The following MDGA2 variants were observed in gnomAD, a reference collection of about 807,000 sequenced individuals.
MDGA2 encodes MAM domain-containing glycosylphosphatidylinositol anchor protein 2.
Under a neutral mutation model 117.8 loss-of-function variants are expected in MDGA2, and 40 were observed. The observed-to-expected ratio is 0.34, with a 90% CI of 0.26 to 0.44. MDGA2 has a LOEUF of 0.44. Ranked by LOEUF, MDGA2 falls within the 20% of genes least tolerant of loss-of-function variation. MDGA2 has a pLI of 1.00. For synonymous variants in MDGA2, 452 were observed against 439.0 expected (o/e 1.03, Z -0.37); for missense variants, 1,123 against 1,250.6 (o/e 0.90, Z 1.54).
intron 3 of MDGA2, among the ~76,000 whole-genome samples, chr14:47,195,099 G>T (rs1406074802): frequency 1.3e-5 from 2 of 151,902 alleles, no homozygotes; most frequent in Non-Finnish European, 2.9e-5. Flanking sequence ...GTTAAATAAT[G>T]ATAGTACATA....
chr14:47,346,912 G>T (rs913304355), intron 1 of MDGA2, among the ~76,000 whole-genome samples: 3 of 152,154 alleles, frequency 2.0e-5, no homozygotes, highest in African/African-American at 7.2e-5. Context: ...TACAGAGTGG[G>T]AACGGTTCAG....
chr14:47,080,545 CTCTTA>C (rs1481492606), intron 6 of MDGA2, among the ~76,000 whole-genome samples: 2 of 152,150 alleles, frequency 1.3e-5, no homozygotes, highest in Non-Finnish European at 1.5e-5. Context: ...CCCTCACATT[CTCTTA>C]TCTTTTCTTC....
chr14:46,912,363 T>C (rs1325946089), intron 10 of MDGA2, among the ~76,000 whole-genome samples: 1 of 152,140 alleles, frequency 6.6e-6, no homozygotes, highest in Non-Finnish European at 1.5e-5. Context: ...ACTACTGTCT[T>C]CAGATGAAAA....
intron 2 of MDGA2, among the ~76,000 whole-genome samples, chr14:47,247,531 G>A (rs1887285336): frequency 6.6e-6 from 1 of 151,436 alleles, no homozygotes; most frequent in African/African-American, 2.4e-5. Flanking sequence ...TCGAACTCCT[G>A]ACCTCAAATG....
At chr14:47,265,021 G>T (rs1887919107) in intron 2 of MDGA2, among the ~76,000 whole-genome samples, 1 of 152,002 alleles carries the variant, frequency 6.6e-6, no homozygotes, top group Non-Finnish European at 1.5e-5. Flanking sequence ...TTAACAAGTA[G>T]CTCTCTAAAC....
At chr14:47,099,947 TA>T (rs1318354874) in intron 5 of MDGA2, among the ~76,000 whole-genome samples, 1 of 152,036 alleles carries the variant, frequency 6.6e-6, no homozygotes. Context: ...GGGTGCTTAA[TA>T]AATATTAGTA....
At chr14:47,566,612 G>A (rs1794970121) in intron 1 of MDGA2, among the ~76,000 whole-genome samples, 1 of 152,134 alleles carries the variant, frequency 6.6e-6, no homozygotes, top group Non-Finnish European at 1.5e-5. Flanking sequence ...CATGGGGGTT[G>A]GGGAGACTTC....
At chr14:47,258,056 C>T (rs961893701) in intron 2 of MDGA2, among the ~76,000 whole-genome samples, 8 of 152,234 alleles carry the variant, frequency 5.3e-5, no homozygotes, top group African/African-American at 1.9e-4. Context: ...AATATGAAAG[C>T]ACTGCCTTCT....
At chr14:46,889,419 A>G (rs1446058638) in intron 10 of MDGA2, among the ~76,000 whole-genome samples, 3 of 152,052 alleles carry the variant, frequency 2.0e-5, no homozygotes, top group Non-Finnish European at 2.9e-5. Context: ...GGAATCTTGT[A>G]TTATTTTTCT....
chr14:47,426,187 A>T (rs995332905), intron 1 of MDGA2, among the ~76,000 whole-genome samples: 1 of 152,128 alleles, frequency 6.6e-6, no homozygotes, highest in African/African-American at 2.4e-5. Context: ...TTGCTAGAGG[A>T]TATCACATTT....
chr14:47,458,350 T>C (rs543218809), intron 1 of MDGA2, among the ~76,000 whole-genome samples: 1 of 152,308 alleles, frequency 6.6e-6, no homozygotes, highest in South Asian at 2.1e-4. Flanking sequence ...CAAAAAATCA[T>C]TGCCAAGACC....
intron 10 of MDGA2, among the ~76,000 whole-genome samples, chr14:46,915,152 A>G (rs1378667044): frequency 6.6e-6 from 1 of 152,170 alleles, no homozygotes; most frequent in Non-Finnish European, 1.5e-5. Context: ...GTAATATAAA[A>G]TCTTCATTAA....
At chr14:47,453,859 G>A (rs1305552364) in intron 1 of MDGA2, among the ~76,000 whole-genome samples, 2 of 152,154 alleles carry the variant, frequency 1.3e-5, no homozygotes, top group Admixed American at 1.3e-4. Flanking sequence ...GATTTTGGGT[G>A]AGCACTGACA....
intron 1 of MDGA2, among the ~76,000 whole-genome samples, chr14:47,398,263 G>T (rs960122942): frequency 9.2e-5 from 14 of 152,028 alleles, no homozygotes; most frequent in South Asian, 2.1e-4. Context: ...AAAAAATACT[G>T]AAGTATAGAA....
intron 1 of MDGA2, among the ~76,000 whole-genome samples, chr14:47,582,603 C>A (rs2138842801): frequency 6.6e-6 from 1 of 151,924 alleles, no homozygotes; most frequent in Non-Finnish European, 1.5e-5. Flanking sequence ...GATTCTAGAG[C>A]AAACATTATG....
At chr14:46,940,701 G>T (rs1189549740) in intron 9 of MDGA2, among the ~76,000 whole-genome samples, 1 of 152,070 alleles carries the variant, frequency 6.6e-6, no homozygotes, top group Non-Finnish European at 1.5e-5. Flanking sequence ...ACCATTGGTT[G>T]AGTGTGTGCG....
intron 1 of MDGA2, among the ~76,000 whole-genome samples, chr14:47,463,730 A>T (rs904025565): frequency 3.3e-5 from 5 of 152,146 alleles, no homozygotes; most frequent in Admixed American, 6.5e-5. Context: ...TAACATTTTA[A>T]AATCACCAGT....
At chr14:47,233,768 T>G (rs1048719742) in intron 2 of MDGA2, among the ~76,000 whole-genome samples, 3 of 152,154 alleles carry the variant, frequency 2.0e-5, no homozygotes, top group African/African-American at 7.2e-5. Context: ...TGATAGTATA[T>G]TAGACTGTTT....
intron 1 of MDGA2, among the ~76,000 whole-genome samples, chr14:47,505,518 C>T (rs762935853): frequency 2.0e-5 from 3 of 152,068 alleles, no homozygotes; most frequent in Non-Finnish European, 4.4e-5. Context: ...ATGCCTGTTG[C>T]ATCACTATGT....
Sources: allele counts gnomAD v4.1 joint callset (sites outside exome capture counted in the v4.1 genomes callset), GRCh38; gene constraint gnomAD v4.1.1; transcripts MANE v1.5; gene names NCBI Gene and HGNC (gene_info 2026-07-23, HGNC 2026-07-21).